SLC25A16: variants seen among roughly 807,000 people sequenced by gnomAD.
The protein encoded by SLC25A16 is mitochondrial coenzyme A transporter SLC25A16.
A neutral mutation model predicts 41.5 loss-of-function variants in SLC25A16; 39 were observed. The ratio of observed to expected loss-of-function variants is 0.94; its 90% CI spans 0.73 to 1.23. SLC25A16 has a LOEUF of 1.23. Among genes scored for constraint, SLC25A16 ranks in the 50% most tolerant of loss-of-function variants. SLC25A16 has a pLI of 0.00. For missense variants in SLC25A16, 421 were observed against 426.9 expected, an observed-to-expected ratio of 0.99 and a Z score of 0.12; for synonymous variants, 146 against 147.8, an observed-to-expected ratio of 0.99 and a Z score of 0.09.
At chr10:68,487,112 A>G (rs1221694839) in intron 8 of SLC25A16, 32 bp downstream of exon 8, 5 of 1,564,232 alleles carry the variant, frequency 3.2e-6, no homozygotes, top group Non-Finnish European at 3.5e-6. Context: ...CATTTCCTAA[A>G]GAAAATGAAC....
In SLC25A16 at chr10:68,478,838, ACCT is replaced by A. The variant is rs2052455097; in HGVS notation, c.*4591_*4593del. 1 of 151,856 alleles carries A rather than the reference ACCT, an allele frequency of 6.6e-6. No individual in the cohort carries two copies. The highest frequency in any genetic ancestry group is 2.4e-5 in the African/African-American group (1 of 41,326). The allele number at this position is 151,856 out of a possible 1,614,324, so 9.4% of individuals were successfully genotyped here. A position where few individuals can be genotyped will look rare whatever the true frequency, so the allele number is the denominator to read the frequency against. On this transcript the variant is annotated 3_prime_UTR_variant, in exon 9 of 9. Coordinates refer to ENST00000609923, the MANE Select transcript of SLC25A16 (RefSeq NM_152707.4). The stretch of plus-strand genomic sequence containing the variant: ...AGTGGGGCAATCTTGGCTCACTGCA[ACCT>A]CCGCCTTCTGGGTTCAAGCAATTCT...
intron 2 of SLC25A16, among the ~76,000 whole-genome samples, chr10:68,514,642 T>G (rs1014574669): frequency 6.6e-6 from 1 of 152,180 alleles, no homozygotes; most frequent in African/African-American, 2.4e-5. Context: ...ATTGCCAAAA[T>G]GCCCTCCAAA....
rs1169486674 is a variant in SLC25A16 at position 68,478,827 on chromosome 10, G to A, written c.*4605C>T. The A allele has an allele frequency of 6.6e-6, 1 of 151,664 alleles. No individual in the cohort carries two copies. The highest frequency in any genetic ancestry group is 1.9e-4 in the East Asian group (1 of 5,180). The allele number at this position is 151,664 out of a possible 1,614,324, so 9.4% of individuals were successfully genotyped here. ...GGCTGGAGTGCAGTGGGGCAATCTT[G>A]GCTCACTGCAACCTCCGCCTTCTGG... On this transcript the variant is annotated 3_prime_UTR_variant, in exon 9 of 9. Transcript: ENST00000609923.
At chr10:68,523,908 G>A (rs2053288801) in intron 1 of SLC25A16, among the ~76,000 whole-genome samples, 1 of 152,072 alleles carries the variant, frequency 6.6e-6, no homozygotes, top group Non-Finnish European at 1.5e-5. Context: ...AGACCAGCCT[G>A]GCCAACATGG....
At chr10:68,521,403 C>A (rs2133599740) in intron 1 of SLC25A16, among the ~76,000 whole-genome samples, 1 of 152,116 alleles carries the variant, frequency 6.6e-6, no homozygotes, top group African/African-American at 2.4e-5. Flanking sequence ...AAGCAACACA[C>A]CTGTAATCCC....
chr10:68,483,855 G>T (rs143901265), intron 8 of SLC25A16, among the ~76,000 whole-genome samples: 1 of 152,000 alleles, frequency 6.6e-6, no homozygotes, highest in South Asian at 2.1e-4. Context: ...GTAGAGACGG[G>T]GTTTCTCCAT....
chr10:68,514,489 C>T (rs999539454), intron 2 of SLC25A16, among the ~76,000 whole-genome samples: 3 of 152,106 alleles, frequency 2.0e-5, no homozygotes, highest in African/African-American at 7.2e-5. Flanking sequence ...CAGTGAAACT[C>T]CATCTCAAAA....
chr10:68,489,137 C>T (rs770711348), intron 6 of SLC25A16, among the ~76,000 whole-genome samples: 30 of 152,154 alleles, frequency 2.0e-4, no homozygotes, highest in South Asian at 8.3e-4. Context: ...GGTGTGGTGG[C>T]GCATGCCTGT....
intron 6 of SLC25A16, among the ~76,000 whole-genome samples, chr10:68,491,921 C>T (rs557713741): frequency 5.3e-5 from 8 of 151,988 alleles, no homozygotes; most frequent in Admixed American, 1.3e-4. Context: ...CTCCGCCTCC[C>T]GGGTTCAAAT....
At chr10:68,503,577 A>G (rs1487257617) in intron 4 of SLC25A16, 55 bp downstream of exon 4, 5 of 1,166,962 alleles carry the variant, frequency 4.3e-6, no homozygotes, top group Middle Eastern at 2.1e-4. Flanking sequence ...ACCAAATTAA[A>G]TATTTTAATA....
At chr10:68,519,410 C>T (rs1010760878) in intron 1 of SLC25A16, among the ~76,000 whole-genome samples, 7 of 150,040 alleles carry the variant, frequency 4.7e-5, no homozygotes, top group South Asian at 2.1e-4. Context: ...TGCCTGAACC[C>T]GGGAGGCAGA....
intron 4 of SLC25A16, chr10:68,500,057 T>C (rs544708781): frequency 3.8e-4 from 105 of 275,260 alleles, no homozygotes; most frequent in Non-Finnish European, 6.2e-4. Context: ...TTCCTTTTGC[T>C]GGCCAACTGA....
At chr10:68,524,690 A>G (rs1316601323) in intron 1 of SLC25A16, among the ~76,000 whole-genome samples, 2 of 143,810 alleles carry the variant, frequency 1.4e-5, no homozygotes, top group Admixed American at 7.0e-5. Flanking sequence ...CCTGGGCTAC[A>G]TAGTGAGACT....
intron 4 of SLC25A16, 133 bp downstream of exon 4, chr10:68,503,499 C>T: frequency 2.0e-6 from 1 of 511,056 alleles, no homozygotes; most frequent in Non-Finnish European, 3.5e-6. Flanking sequence ...AGGATGCACC[C>T]AGGAAAAAAT....
At chr10:68,521,401 C>T (rs1224629022) in intron 1 of SLC25A16, among the ~76,000 whole-genome samples, 1 of 151,984 alleles carries the variant, frequency 6.6e-6, no homozygotes, top group Non-Finnish European at 1.5e-5. Flanking sequence ...CCAAGCAACA[C>T]ACCTGTAATC....
At chr10:68,507,576 T>C (rs921584087) in intron 2 of SLC25A16, among the ~76,000 whole-genome samples, 3 of 152,136 alleles carry the variant, frequency 2.0e-5, no homozygotes, top group Non-Finnish European at 4.4e-5. Flanking sequence ...GGCTGAGTTG[T>C]AATCTATATA....
intron 2 of SLC25A16, among the ~76,000 whole-genome samples, chr10:68,516,209 G>A (rs778148757): frequency 3.9e-5 from 6 of 152,090 alleles, no homozygotes; most frequent in Non-Finnish European, 8.8e-5. Flanking sequence ...AAAGTACACC[G>A]AACAAAGGAG....
At chr10:68,502,223 GA>G (rs1160254761) in intron 4 of SLC25A16, among the ~76,000 whole-genome samples, 1 of 151,348 alleles carries the variant, frequency 6.6e-6, no homozygotes, top group Admixed American at 6.6e-5. Flanking sequence ...CAAAAAAAAA[GA>G]AAAAGTAAAA....
At chr10:68,494,708 C>G (rs2052721326) in intron 4 of SLC25A16, among the ~76,000 whole-genome samples, 1 of 148,736 alleles carries the variant, frequency 6.7e-6, no homozygotes, top group African/African-American at 2.5e-5. Context: ...GAAACCCCAT[C>G]TCTACTAAAA....
Sources: gnomAD v4.1 joint callset for allele counts (sites outside exome capture counted in the v4.1 genomes callset) on GRCh38, gnomAD v4.1.1 for gene constraint, MANE v1.5 for transcripts, NCBI Gene and HGNC (gene_info 2026-07-23, HGNC 2026-07-21) for gene names.